Variants in IARS1 observed in about 807,000 individuals in gnomAD.
IARS1 encodes isoleucyl-tRNA synthetase 1, also known as isoleucine--tRNA ligase, cytoplasmic.
Under a neutral mutation model 168.2 loss-of-function variants are expected in IARS1, and 124 were observed. The ratio of observed to expected loss-of-function variants is 0.74; its 90% CI spans 0.64 to 0.86. The LOEUF (loss-of-function observed/expected upper bound fraction) is 0.86. Ranked by LOEUF, IARS1 falls within the 40% of genes least tolerant of loss-of-function variation. IARS1 has a pLI of 0.00. For synonymous variants in IARS1, 532 were observed against 529.4 expected (o/e 1.00, Z -0.07); for missense variants, 1,452 against 1,515.8 (o/e 0.96, Z 0.70).
rs1391558873 is a variant in IARS1, at chr9:92,253,424, G to A, written c.2167C>T (p.Leu723=). 1 of 1,613,670 alleles carries A rather than the reference G, an allele frequency of 6.2e-7. No homozygotes were observed. Among genetic ancestry groups the A allele is most frequent in the South Asian group, 1.1e-5 (1 of 91,062 alleles). Residue 723 remains leucine, a synonymous_variant, in exon 21 of 34, where the codon CTG becomes TTG. Coordinates refer to ENST00000443024, the MANE Select transcript of IARS1 (RefSeq NM_002161.6). The stretch of plus-strand genomic sequence containing the variant: ...GTCAGAATATCTACAAACTTGACCA[G>A]GCGAGGCACCACAGTATAAAGCCTA... ...AYRLYTVVPR[L]VKFVDILTNW...
intron 9 of IARS1, among the ~76,000 whole-genome samples, chr9:92,277,017 T>C (rs1037454115): frequency 6.6e-6 from 1 of 152,230 alleles, no homozygotes; most frequent in Admixed American, 6.5e-5. Flanking sequence ...CCTTTCCACA[T>C]GATGTTTTAC....
intron 30 of IARS1, among the ~76,000 whole-genome samples, chr9:92,231,056 G>C (rs1053560141): frequency 2.1e-4 from 32 of 152,200 alleles, no homozygotes; most frequent in African/African-American, 7.0e-4. Context: ...TCCTTTTATA[G>C]GATGTTCAAA....
At chr9:92,242,011 T>C (rs1828486707) in intron 29 of IARS1, 143 bp downstream of exon 29, 1 of 623,300 alleles carries the variant, frequency 1.6e-6, no homozygotes, top group Admixed American at 3.0e-5. Context: ...TCTCTGACTC[T>C]ACCCACTACT....
intron 33 of IARS1, among the ~76,000 whole-genome samples, chr9:92,214,660 G>A (rs577687660): frequency 3.9e-5 from 6 of 152,168 alleles, no homozygotes; most frequent in Non-Finnish European, 7.4e-5. Context: ...AAGGGGTGAC[G>A]GACGGCACCT....
intron 26 of IARS1, among the ~76,000 whole-genome samples, chr9:92,245,859 T>C (rs1829115910): frequency 6.6e-6 from 1 of 152,006 alleles, no homozygotes; most frequent in African/African-American, 2.4e-5. Context: ...CTCTGCCTCC[T>C]GGGTTCACGC....
intron 30 of IARS1, among the ~76,000 whole-genome samples, chr9:92,235,514 T>TA (rs144768749): frequency 3.1e-4 from 19 of 62,064 alleles, no homozygotes; most frequent in African/African-American, 1.8e-3. Context: ...ATTACATTGA[T>TA]TTTTTTTTTT....
Position 92,291,844 on chromosome 9 carries a change from C to T in IARS1, c.-8+1767G>A, listed in dbSNP as rs552146209. ...AGATGCAGACTTACCAGCCTCACCTCGCACCTACGAGTCAGAACCTGCATT... is the reference window on the plus strand; with the variant it reads ...AGATGCAGACTTACCAGCCTCACCTTGCACCTACGAGTCAGAACCTGCATT... On this transcript the variant is annotated intron_variant, in intron 1 of 33. Transcript: ENST00000443024. Among the ~76,000 whole-genome samples the T allele has an allele frequency of 9.9e-5, 15 of 152,254 alleles. No homozygotes were observed. The South Asian group carries it at 2.7e-3, about 27-fold the overall frequency.
intron 17 of IARS1, 110 bp from the exon 18 acceptor site, chr9:92,260,344 G>C: frequency 1.2e-6 from 1 of 811,742 alleles, no homozygotes; most frequent in South Asian, 1.4e-5. Flanking sequence ...AAATGGGAAG[G>C]AGTAACTTAG....
chr9:92,217,146 A>G (rs1838850084), intron 33 of IARS1, among the ~76,000 whole-genome samples: 1 of 151,750 alleles, frequency 6.6e-6, no homozygotes, highest in African/African-American at 2.4e-5. Flanking sequence ...ACTACATGGA[A>G]ACTGAACAAC....
At chr9:92,242,106 C>T (rs1828505482) in intron 29 of IARS1, 48 bp downstream of exon 29, 3 of 1,462,168 alleles carry the variant, frequency 2.1e-6, no homozygotes, top group African/African-American at 1.4e-5. Context: ...CAAAGTCAAA[C>T]CTAATCTGAA....
chr9:92,274,053 A>G (rs1380156219), intron 10 of IARS1, among the ~76,000 whole-genome samples: 1 of 152,268 alleles, frequency 6.6e-6, no homozygotes, highest in African/African-American at 2.4e-5. Context: ...GTCAAAATAT[A>G]AAATTAACTG....
At chr9:92,214,227 C>G (rs941400986) in intron 33 of IARS1, among the ~76,000 whole-genome samples, 3 of 151,766 alleles carry the variant, frequency 2.0e-5, no homozygotes, top group Admixed American at 1.3e-4. Context: ...ACAAGCAGAG[C>G]AGACGGGCAA....
chr9:92,260,054 T>TATA, intron 18 of IARS1, 97 bp downstream of exon 18: 1 of 838,858 alleles, frequency 1.2e-6, no homozygotes, highest in Non-Finnish European at 2.0e-6. Flanking sequence ...GCTAAAAACC[T>TATA]AACTATAAAC....
intron 30 of IARS1, among the ~76,000 whole-genome samples, chr9:92,234,180 C>A (rs889658008): frequency 6.6e-6 from 1 of 152,112 alleles, no homozygotes; most frequent in Non-Finnish European, 1.5e-5. Context: ...GTTTATCTTA[C>A]ATCCTGTGAC....
chr9:92,274,513 C>T lies in IARS1; in HGVS notation c.903G>A (p.Glu301=), dbSNP rs923911402. The part of the protein sequence containing the change: ...PLFDYFLKCK[E]NGAFTVLVDN... ...CAACAAGCACAGTGAAAGCGCCATT[C>T]TCTTTACACTGGAAAGAAAGGACAG... The change falls in exon 10 of 34, where the codon GAG becomes GAA. Residue 301 remains glutamate (E), a synonymous_variant. Transcript: ENST00000443024. 1 of 1,612,480 alleles carries T rather than the reference C, an allele frequency of 6.2e-7. No homozygotes were observed. Among genetic ancestry groups the T allele is most frequent in the Middle Eastern group, 1.7e-4 (1 of 6,058 alleles).
chr9:92,243,556 A>C (rs1828756984), intron 27 of IARS1: 1 of 349,552 alleles, frequency 2.9e-6, no homozygotes, highest in African/African-American at 2.1e-5. Context: ...GGTGCTGCTC[A>C]CAGGAGATGC....
At chr9:92,250,915 C>T in intron 22 of IARS1, 81 bp from the exon 23 acceptor site, 3 of 1,451,002 alleles carry the variant, frequency 2.1e-6, no homozygotes, top group Non-Finnish European at 2.8e-6. Flanking sequence ...AACAACTAAA[C>T]ATGTTAGAGA....
chr9:92,260,156 G>T lies in IARS1; in HGVS notation c.1866C>A (p.Ala622=). ...GGCAAAGCACTGGTTTGTACCTGAG[G>T]GCATCAGCACCATACTTCTGGATGA... ...VSIIQKYGAD[A]LRLYLINSPV... is the part of the protein sequence containing the mutation. The change falls in exon 18 of 34, where the codon GCC becomes GCA. Residue 622 remains alanine, a synonymous_variant. Transcript: ENST00000443024. 6.2e-7 allele frequency: 1 copy of T among 1,608,820 alleles called. No individual in the cohort carries two copies. The highest frequency in any genetic ancestry group is 8.5e-7 in the Non-Finnish European group (1 of 1,175,192).
In IARS1 at chr9:92,285,849, G is replaced by C; in HGVS notation, c.480-10C>G. 6.9e-7 allele frequency: 1 copy of C among 1,454,638 alleles called. No individual in the cohort carries two copies. Among genetic ancestry groups the C allele is most frequent in the Non-Finnish European group, 9.6e-7 (1 of 1,039,496 alleles). 90.1% of individuals were successfully genotyped at this position (1,454,638 alleles called of 1,614,324 possible). A position where few individuals can be genotyped will look rare whatever the true frequency, so the allele number is the denominator to read the frequency against. ...TTGTTTGAAGACCCACCTGGTAAGA[G>C]ATGGAGTTTCACAATTACAGAACAA... On this transcript the variant is annotated splice_polypyrimidine_tract_variant and intron_variant, in intron 5 of 33. Transcript: ENST00000443024.
Sources: gnomAD v4.1 joint callset for allele counts (sites outside exome capture counted in the v4.1 genomes callset) on GRCh38, gnomAD v4.1.1 for gene constraint, MANE v1.5 for transcripts, NCBI Gene and HGNC (gene_info 2026-07-23, HGNC 2026-07-21) for gene names.